Variants in PCDHGA12 observed in about 807,000 individuals in gnomAD.
The protein encoded by PCDHGA12 is protocadherin gamma subfamily A, 12.
Under a neutral mutation model 61.1 loss-of-function variants are expected in PCDHGA12, and 43 were observed. The observed-to-expected ratio is 0.70, with a 90% confidence interval of 0.55 to 0.91. The LOEUF (loss-of-function observed/expected upper bound fraction) is 0.91. Among genes scored for constraint, PCDHGA12 ranks in the 40% least tolerant of loss-of-function variants. The probability of loss-of-function intolerance (pLI) is 0.00; values close to 1 mark genes in which losing one functional copy is unlikely to be tolerated. For synonymous variants in PCDHGA12, 520 were observed against 542.9 expected, an observed-to-expected ratio of 0.96 and a Z score of 0.59; for missense variants, 1,236 against 1,227.7, an observed-to-expected ratio of 1.01 and a Z score of -0.10.
In PCDHGA12 at chr5:141,494,850, G is replaced by C. The variant is rs2099757124; in HGVS notation, c.2468G>C (p.Arg823Thr). 1.2e-6 allele frequency: 2 copies of C among 1,614,124 alleles called. No individual in the cohort carries two copies. The highest frequency in any genetic ancestry group is 1.7e-6 in the Non-Finnish European group (2 of 1,180,018). Reference protein sequence around the residue: ...NTDWRFSQAQRPGTSGSQNGD... With the variant: ...NTDWRFSQAQTPGTSGSQNGD... ...GACTGGCGTTTCTCTCAGGCCCAGA[G>C]ACCCGGCACCAGCGGGTAGGTGACT... is the stretch of plus-strand genomic sequence containing the variant. The change falls in exon 2 of 4, where the codon AGA becomes ACA. Residue 823 changes from arginine to threonine, a missense_variant. Physicochemically the swap from Arg to Thr is moderately conservative, Grantham distance 71. Transcript: ENST00000252085.
rs769074023 is a variant in PCDHGA12 at position 141,491,738 on chromosome 5, G to T, written c.2425-3069G>T. On this transcript the variant is annotated intron_variant, in intron 1 of 3. Transcript: ENST00000252085. The surrounding 1 kb of genome is among the most constrained non-coding windows in gnomAD (Gnocchi z 6.9). The stretch of plus-strand genomic sequence containing the variant: ...GCGCCGCCCCGGGCGACCCCTGGGG[G>T]CGGCACTGGAGAAGCCGCCCGTCCT... 38 of 1,600,228 alleles carry T rather than the reference G, an allele frequency of 2.4e-5. No homozygotes were observed. The highest frequency in any genetic ancestry group is 3.1e-5 in the Non-Finnish European group (36 of 1,174,204).
intron 2 of PCDHGA12, among the ~76,000 whole-genome samples, chr5:141,502,107 C>T (rs1292131951): frequency 6.6e-6 from 1 of 152,192 alleles, no homozygotes; most frequent in East Asian, 1.9e-4. Context: ...TGACCCTGCA[C>T]CCTCAGCCAG....
chr5:141,507,796 G>GGGAA (rs2099863457), intron 3 of PCDHGA12, among the ~76,000 whole-genome samples: 1 of 152,220 alleles, frequency 6.6e-6, no homozygotes, highest in Admixed American at 6.5e-5. Flanking sequence ...GTCTAAGCCT[G>GGGAA]CGCCCTGGGG....
chr5:141,483,121 T>C (rs922863446), intron 1 of PCDHGA12, among the ~76,000 whole-genome samples: 1 of 152,052 alleles, frequency 6.6e-6, no homozygotes, highest in Admixed American at 6.6e-5. Flanking sequence ...ACAGTCTTTG[T>C]AGGAGATGAG....
In PCDHGA12 at chr5:141,431,930, C is replaced by A. The variant is rs761060241; in HGVS notation, c.1171C>A (p.Pro391Thr). 236 of 1,613,932 alleles carry A rather than the reference C, an allele frequency of 1.5e-4. 1 individual carries two copies. The highest frequency in any genetic ancestry group is 1.4e-3 in the South Asian group (124 of 91,086). Reference protein sequence around the residue: ...QVICFIQGNLPFKLEKSYGNY... With the variant: ...QVICFIQGNLTFKLEKSYGNY... The stretch of plus-strand genomic sequence containing the variant: ...GATCTGTTTCATCCAAGGAAATCTG[C>A]CCTTTAAATTAGAAAAATCTTACGG... Residue 391 changes from proline to threonine, a missense_variant, in exon 1 of 4, where the codon CCC (proline) becomes ACC (threonine). Transcript: ENST00000252085. This position sits in a 1 kb window ranked among gnomAD's most constrained non-coding sequence, Gnocchi z 4.8.
chr5:141,431,974 CA>C lies in PCDHGA12; in HGVS notation c.1216del (p.Thr406GlnfsTer3), dbSNP rs1419355804. The C allele has an allele frequency of 1.2e-6, 2 of 1,614,174 alleles. No individual in the cohort carries two copies. The highest frequency in any genetic ancestry group is 1.3e-5 in the African/African-American group (1 of 75,058). On this transcript the variant is annotated frameshift_variant, in exon 1 of 4. Transcript: ENST00000252085. LOFTEE classifies it high-confidence loss of function. This position sits in a 1 kb window ranked among gnomAD's most constrained non-coding sequence, Gnocchi z 4.8. The part of the protein sequence containing the change: ...KSYGNYYSLV[T>X]DIVLDREQVP... ...CTTACGGAAATTACTATAGTTTAGT[CA>C]CAGACATAGTCTTGGATAGGGAACA... is the stretch of plus-strand genomic sequence containing the variant.
In PCDHGA12 at chr5:141,433,040, A is replaced by ACGGACT. The variant is rs753119003; in HGVS notation, c.2284_2289dup (p.Asp762_Ser763dup). The ACGGACT allele has an allele frequency of 8.1e-6, 13 of 1,614,088 alleles. No homozygotes were observed. In the African/African-American group the frequency reaches 1.7e-4, roughly 22 times the overall value. On this transcript the variant is annotated inframe_insertion, in exon 1 of 4. Transcript: ENST00000252085. ...CTATTCCCACGAGGTTTCCCTCACC[A>ACGGACT]CGGACTCGCGGAAGAGTCACCTGAT...
chr5:141,489,732 C>CA lies in PCDHGA12; in HGVS notation c.2425-5073dup, dbSNP rs770971020. On this transcript the variant is annotated intron_variant, in intron 1 of 3. Transcript: ENST00000252085. This position sits in a 1 kb window ranked among gnomAD's most constrained non-coding sequence, Gnocchi z 4.5. ...GTGCCCAGGATCCGGATGTGGGCAC[C>CA]AATACTGTGAGCTTTTACACTCTAA... 4.3e-6 allele frequency: 7 copies of CA among 1,614,008 alleles called. No individual in the cohort carries two copies. Among genetic ancestry groups the CA allele is most frequent in the Non-Finnish European group, 5.9e-6 (7 of 1,180,002 alleles).
At position 141,431,134 on chromosome 5, in the gene PCDHGA12, C is replaced by T; in HGVS notation, c.375C>T (p.Asp125=). 1 of 1,614,212 alleles carries T rather than the reference C, an allele frequency of 6.2e-7. No homozygotes were observed. The highest frequency in any genetic ancestry group is 2.2e-5 in the East Asian group (1 of 44,890). Residue 125 remains aspartate (D), a synonymous_variant, in exon 1 of 4, where the codon GAC becomes GAT. Coordinates refer to ENST00000252085, the MANE Select transcript of PCDHGA12 (RefSeq NM_003735.3). This position sits in a 1 kb window ranked among gnomAD's most constrained non-coding sequence, Gnocchi z 4.8. ...ATGGAGTAGAAGTAGAAGTAAGGGA[C>T]ATTAACGACAATGCGCCTTACTTTC... The part of the protein sequence containing the change: ...KIYGVEVEVR[D]INDNAPYFRE...
Position 141,490,909 on chromosome 5 carries a change from G to T in PCDHGA12, c.2425-3898G>T. 4 of 1,613,744 alleles carry T rather than the reference G, an allele frequency of 2.5e-6. No individual in the cohort carries two copies. Among genetic ancestry groups the T allele is most frequent in the Non-Finnish European group, 3.4e-6 (4 of 1,179,762 alleles). ...ATCTCTGCATGTGTTTGTCCTAGAC[G>T]AGAATGATAATGCCCCAGCTGTGCT... On this transcript the variant is annotated intron_variant, in intron 1 of 3. Transcript: ENST00000252085. The surrounding 1 kb of genome is among the most constrained non-coding windows in gnomAD (Gnocchi z 5.4).
intron 3 of PCDHGA12, 146 bp from the exon 4 acceptor site, chr5:141,510,801 A>G: frequency 6.7e-7 from 1 of 1,489,832 alleles, no homozygotes; most frequent in Non-Finnish European, 9.1e-7. Flanking sequence ...AAGAGAGACT[A>G]CCTTGGTGAC....
chr5:141,462,824 A>T (rs1561993844), intron 1 of PCDHGA12, among the ~76,000 whole-genome samples: 1 of 152,158 alleles, frequency 6.6e-6, no homozygotes, highest in Non-Finnish European at 1.5e-5. Flanking sequence ...TGGACAGCAG[A>T]CATTGTAAAT....
intron 3 of PCDHGA12, among the ~76,000 whole-genome samples, chr5:141,506,011 C>T (rs1209221520): frequency 6.6e-6 from 1 of 152,204 alleles, no homozygotes; most frequent in Non-Finnish European, 1.5e-5. Flanking sequence ...TCCTCTTTTG[C>T]TGCCCCTAAC....
Position 141,490,965 on chromosome 5 carries a change from C to G in PCDHGA12, c.2425-3842C>G. On this transcript the variant is annotated intron_variant, in intron 1 of 3. Coordinates refer to ENST00000252085, the MANE Select transcript of PCDHGA12 (RefSeq NM_003735.3). This position sits in a 1 kb window ranked among gnomAD's most constrained non-coding sequence, Gnocchi z 5.4. ...CACGGCCAGACTGGGAACACTCAGC[C>G]CCCCAGCGTCTCCCTCGCTCTGCTC... is the stretch of plus-strand genomic sequence containing the variant. 5 of 1,613,856 alleles carry G rather than the reference C, an allele frequency of 3.1e-6. No homozygotes were observed. The highest frequency in any genetic ancestry group is 3.3e-4 in the Middle Eastern group (2 of 6,062).
At chr5:141,481,592 C>T (rs765060653) in intron 1 of PCDHGA12, among the ~76,000 whole-genome samples, 2 of 152,112 alleles carry the variant, frequency 1.3e-5, no homozygotes, top group East Asian at 1.9e-4. Context: ...CTGAGGCCAG[C>T]GGATCACCTG....
At chr5:141,483,648 T>TTGTGTGTGTG (rs111458813) in intron 1 of PCDHGA12, among the ~76,000 whole-genome samples, 23 of 149,708 alleles carry the variant, frequency 1.5e-4, no homozygotes, top group African/African-American at 3.9e-4. Context: ...GGGTGTGTGT[T>TTGTGTGTGTG]TGTGTGTGTG....
At chr5:141,438,571 TATACATACATAC>T (rs1212381177) in intron 1 of PCDHGA12, among the ~76,000 whole-genome samples, 4 of 94,544 alleles carry the variant, frequency 4.2e-5, no homozygotes, top group African/African-American at 9.7e-5. Context: ...AGCTGTCTGA[TATACATACATAC>T]ATACATACAT....
At chr5:141,443,088 T>G (rs188899890) in intron 1 of PCDHGA12, among the ~76,000 whole-genome samples, 1 of 151,974 alleles carries the variant, frequency 6.6e-6, no homozygotes, top group African/African-American at 2.4e-5. Context: ...TGTTCCAGTC[T>G]CCTTCTCAAG....
Position 141,486,151 on chromosome 5 carries a change from T to C in PCDHGA12, c.2425-8656T>C, listed in dbSNP as rs570065848. The C allele has an allele frequency of 2.7e-5, 44 of 1,613,914 alleles. No individual in the cohort carries two copies. In the South Asian group the frequency reaches 4.3e-4, roughly 16 times the overall value. ...TTGATGTGCGGGCTCGCGATGGGGGTTCTCCAGCCATGGAGCAACATTGCA... is the reference window on the plus strand; with the variant it reads ...TTGATGTGCGGGCTCGCGATGGGGGCTCTCCAGCCATGGAGCAACATTGCA... On this transcript the variant is annotated intron_variant, in intron 1 of 3. Transcript: ENST00000252085. The surrounding 1 kb of genome is among the most constrained non-coding windows in gnomAD (Gnocchi z 5.0).
Sources: gnomAD v4.1 joint callset for allele counts (sites outside exome capture counted in the v4.1 genomes callset) on GRCh38, gnomAD v4.1.1 for gene constraint, Gnocchi (gnomAD v3.1) non-coding constraint, MANE v1.5 for transcripts, NCBI Gene and HGNC (gene_info 2026-07-23, HGNC 2026-07-21) for gene names.